Variants in TRAPPC12 observed in about 807,000 individuals in gnomAD.
TRAPPC12 encodes trafficking protein particle complex subunit 12.
A neutral mutation model predicts 69.2 loss-of-function variants in TRAPPC12; 61 were observed. The ratio of observed to expected loss-of-function variants is 0.88; its 90% confidence interval spans 0.72 to 1.09. The LOEUF (loss-of-function observed/expected upper bound fraction) is 1.09. TRAPPC12 is among the 50% of genes least tolerant of loss of function. TRAPPC12 has a pLI of 0.00. For missense variants in TRAPPC12, 1,101 were observed against 1,016.4 expected (o/e 1.08, Z -1.13); for synonymous variants, 469 against 438.9 (o/e 1.07, Z -0.86).
Position 3,388,316 on chromosome 2 carries a change from C to T in TRAPPC12, c.693C>T (p.Ala231=), listed in dbSNP as rs2103430454. ...TCTTCGACTCCTTTACTACCTCCGCCTTCATTTCCGTCAGCAATCCCGGCG... is the reference window on the plus strand; with the variant it reads ...TCTTCGACTCCTTTACTACCTCCGCTTTCATTTCCGTCAGCAATCCCGGCG... ...SDFFDSFTTS[A]FISVSNPGAG... is the part of the protein sequence containing the mutation. Residue 231 remains alanine, a synonymous_variant, in exon 2 of 12, where the codon GCC becomes GCT. Coordinates refer to ENST00000324266, the MANE Select transcript of TRAPPC12 (RefSeq NM_016030.6). 1 of 1,604,766 alleles carries T rather than the reference C, an allele frequency of 6.2e-7. No homozygotes were observed. Among genetic ancestry groups the T allele is most frequent in the Non-Finnish European group, 8.5e-7 (1 of 1,176,034 alleles).
At chr2:3,416,271 C>G (rs1662388149) in intron 3 of TRAPPC12, among the ~76,000 whole-genome samples, 1 of 152,146 alleles carries the variant, frequency 6.6e-6, no homozygotes, top group Non-Finnish European at 1.5e-5. Context: ...ACCAGCCCAG[C>G]CTGCCTTAAG....
chr2:3,390,467 C>T (rs183423183), intron 2 of TRAPPC12, among the ~76,000 whole-genome samples: 5 of 152,234 alleles, frequency 3.3e-5, no homozygotes, highest in Admixed American at 3.3e-4. Context: ...TTTGTAATTG[C>T]AAAGAATCTG....
rs546863623 is a variant in TRAPPC12 at position 3,444,998 on chromosome 2, G to A, written c.1530+1107G>A. The stretch of plus-strand genomic sequence containing the variant: ...GGGTTTAATTTTATTTACAGAAATC[G>A]GAAGCACATAACTTGAAATTGAGAA... On this transcript the variant is annotated intron_variant, in intron 6 of 11. Coordinates refer to ENST00000324266, the MANE Select transcript of TRAPPC12 (RefSeq NM_016030.6). 6.6e-5 allele frequency among the ~76,000 whole-genome samples: 10 copies of A among 152,178 alleles called. No homozygotes were observed. The East Asian group carries it at 1.5e-3, about 23-fold the overall frequency.
chr2:3,446,628 G>A (rs1411667726), intron 6 of TRAPPC12, among the ~76,000 whole-genome samples: 2 of 152,260 alleles, frequency 1.3e-5, no homozygotes, highest in Admixed American at 1.3e-4. Context: ...CTGGTTCAGT[G>A]TTGAACTGAA....
chr2:3,402,373 C>T (rs1661491149), intron 3 of TRAPPC12, among the ~76,000 whole-genome samples: 2 of 152,124 alleles, frequency 1.3e-5, no homozygotes, highest in Non-Finnish European at 2.9e-5. Flanking sequence ...GGGCAGATCA[C>T]AAGGTCAGGA....
intron 9 of TRAPPC12, among the ~76,000 whole-genome samples, chr2:3,473,101 T>A (rs964159844): frequency 1.4e-4 from 22 of 152,332 alleles, no homozygotes; most frequent in African/African-American, 4.8e-4. Flanking sequence ...TAGAGGAGGC[T>A]TCTGCACGGA....
chr2:3,380,744 T>A (rs116835225), intron 1 of TRAPPC12, among the ~76,000 whole-genome samples: 2,841 of 152,354 alleles, frequency 0.019, 30 homozygotes, highest in Admixed American at 0.029. Context: ...GGGATCTTCT[T>A]CACAGTTACT....
chr2:3,432,109 C>A (rs553207050), intron 5 of TRAPPC12, among the ~76,000 whole-genome samples: 6 of 152,204 alleles, frequency 3.9e-5, no homozygotes, highest in Non-Finnish European at 8.8e-5. Flanking sequence ...AAGATCTTCC[C>A]GCTGGAAATA....
chr2:3,409,068 G>A (rs1310315363), intron 3 of TRAPPC12, among the ~76,000 whole-genome samples: 1 of 152,194 alleles, frequency 6.6e-6, no homozygotes, highest in Non-Finnish European at 1.5e-5. Flanking sequence ...CTGTCTTGCA[G>A]CCCAGTCCCC....
chr2:3,404,456 T>C (rs1326283056), intron 3 of TRAPPC12, among the ~76,000 whole-genome samples: 2 of 152,160 alleles, frequency 1.3e-5, no homozygotes, highest in Admixed American at 1.3e-4. Flanking sequence ...AAAAATCTTT[T>C]TTTGGAGTTT....
chr2:3,407,483 G>T (rs1661794236), intron 3 of TRAPPC12, among the ~76,000 whole-genome samples: 1 of 152,102 alleles, frequency 6.6e-6, no homozygotes, highest in South Asian at 2.1e-4. Flanking sequence ...GTTTTATGTG[G>T]TATACTTTAG....
chr2:3,434,914 A>G (rs569933892), intron 5 of TRAPPC12, among the ~76,000 whole-genome samples: 1 of 152,344 alleles, frequency 6.6e-6, no homozygotes, highest in Admixed American at 6.5e-5. Flanking sequence ...CCTTCAGGCT[A>G]CAGTTTTCCA....
chr2:3,474,145 C>A (rs1666188357), intron 9 of TRAPPC12, among the ~76,000 whole-genome samples: 1 of 152,336 alleles, frequency 6.6e-6, no homozygotes, highest in Non-Finnish European at 1.5e-5. Flanking sequence ...GAGCTCTCCC[C>A]CACCCCTCAG....
intron 9 of TRAPPC12, among the ~76,000 whole-genome samples, chr2:3,466,935 G>A (rs1256920053): frequency 2.6e-5 from 4 of 152,172 alleles, no homozygotes; most frequent in Non-Finnish European, 4.4e-5. Context: ...AAAATAGTAC[G>A]CTGGGCCTGC....
At chr2:3,411,477 TG>T in intron 3 of TRAPPC12, among the ~76,000 whole-genome samples, 1 of 152,264 alleles carries the variant, frequency 6.6e-6, no homozygotes, top group Non-Finnish European at 1.5e-5. Flanking sequence ...AAAAAAAGAT[TG>T]CTTATATAAC....
intron 6 of TRAPPC12, among the ~76,000 whole-genome samples, chr2:3,454,165 G>A (rs892790038): frequency 6.6e-6 from 1 of 152,262 alleles, no homozygotes. Context: ...GCGTCGTTTT[G>A]TGTGTCCCTC....
intron 3 of TRAPPC12, 110 bp from the exon 4 acceptor site, chr2:3,421,771 C>T (rs1318143730): frequency 5.5e-5 from 54 of 975,812 alleles, no homozygotes; most frequent in Non-Finnish European, 8.1e-5. Context: ...GGCTGGCTGG[C>T]GCTGCTTCCA....
chr2:3,395,037 AAACTT>A (rs558715813), intron 2 of TRAPPC12, among the ~76,000 whole-genome samples: 117 of 152,318 alleles, frequency 7.7e-4, no homozygotes, highest in Non-Finnish European at 1.3e-3. Context: ...TCTTGGGTAA[AAACTT>A]AATAGTATAC....
At chr2:3,439,298 TTGTC>T (rs1187658223) in intron 5 of TRAPPC12, among the ~76,000 whole-genome samples, 1 of 152,204 alleles carries the variant, frequency 6.6e-6, no homozygotes, top group East Asian at 1.9e-4. Flanking sequence ...TGTTTTCTCA[TTGTC>T]TGTTTTTTGG....
Sources: allele counts gnomAD v4.1 joint callset (sites outside exome capture counted in the v4.1 genomes callset), GRCh38; gene constraint gnomAD v4.1.1; transcripts MANE v1.5; gene names NCBI Gene and HGNC (gene_info 2026-07-23, HGNC 2026-07-21).